LRP1B: variants seen among roughly 807,000 people sequenced by gnomAD.
The protein encoded by LRP1B is LDL receptor related protein 1B.
In LRP1B, 217 loss-of-function variants were observed where a neutral mutation model predicts 556.6. That is an observed-to-expected ratio of 0.39 (90% CI 0.35 to 0.44). The LOEUF (loss-of-function observed/expected upper bound fraction) is 0.44. Ranked by LOEUF, LRP1B falls within the 20% of genes least tolerant of loss-of-function variation. The pLI is 1.00. For missense variants in LRP1B, 5,053 were observed against 5,620.8 expected, an observed-to-expected ratio of 0.90 and a Z score of 3.23; for synonymous variants, 2,047 against 1,865.8, an observed-to-expected ratio of 1.10 and a Z score of -2.50.
chr2:141,549,927 G>A (rs1489299827), intron 2 of LRP1B, among the ~76,000 whole-genome samples: 8 of 152,174 alleles, frequency 5.3e-5, no homozygotes, highest in East Asian at 1.9e-4. Context: ...CCTAGGAGGC[G>A]GAGGTTGCAG....
intron 3 of LRP1B, among the ~76,000 whole-genome samples, chr2:141,273,786 A>G (rs1394239485): frequency 1.3e-5 from 2 of 152,226 alleles, no homozygotes; most frequent in East Asian, 3.8e-4. Flanking sequence ...GTGAATAAAC[A>G]ATTCATACAA....
chr2:141,042,277 G>C (rs188963826), intron 11 of LRP1B, among the ~76,000 whole-genome samples: 2 of 152,062 alleles, frequency 1.3e-5, no homozygotes, highest in Non-Finnish European at 2.9e-5. Flanking sequence ...CAATCAACAG[G>C]CATGCTTATT....
At chr2:141,775,922 A>G (rs1695054893) in intron 2 of LRP1B, among the ~76,000 whole-genome samples, 1 of 149,874 alleles carries the variant, frequency 6.7e-6, no homozygotes, top group Non-Finnish European at 1.5e-5. Flanking sequence ...GGCTCACTGC[A>G]AGCTCCGCCT....
chr2:140,964,068 T>C (rs577630973), intron 18 of LRP1B, among the ~76,000 whole-genome samples: 1 of 151,726 alleles, frequency 6.6e-6, no homozygotes, highest in East Asian at 2.0e-4. Flanking sequence ...AGAATGTGAG[T>C]CACCTCCAAT....
intron 1 of LRP1B, among the ~76,000 whole-genome samples, chr2:141,907,678 A>G: frequency 6.6e-6 from 1 of 152,020 alleles, no homozygotes; most frequent in South Asian, 2.1e-4. Flanking sequence ...TTATCTAAGG[A>G]AAATGCAAAC....
At chr2:141,626,295 A>T (rs1688699889) in intron 2 of LRP1B, among the ~76,000 whole-genome samples, 1 of 152,234 alleles carries the variant, frequency 6.6e-6, no homozygotes, top group South Asian at 2.1e-4. Flanking sequence ...CCTAACAGCC[A>T]TCACAAAAGT....
intron 1 of LRP1B, among the ~76,000 whole-genome samples, chr2:141,973,854 A>G (rs1339922527): frequency 6.6e-6 from 1 of 151,888 alleles, no homozygotes; most frequent in Non-Finnish European, 1.5e-5. Flanking sequence ...TCTTACCAAT[A>G]TTTTGAGACT....
chr2:141,626,927 T>A (rs903340662), intron 2 of LRP1B, among the ~76,000 whole-genome samples: 1 of 152,212 alleles, frequency 6.6e-6, no homozygotes, highest in Non-Finnish European at 1.5e-5. Flanking sequence ...ACCGTATGAT[T>A]CAACATTTCT....
At chr2:140,803,290 T>C (rs113617816) in intron 32 of LRP1B, among the ~76,000 whole-genome samples, 1,830 of 114,934 alleles carry the variant, frequency 0.016, 42 homozygotes, top group African/African-American at 0.052. Flanking sequence ...TTTTTTTTTT[T>C]CCGAGATGGA....
At chr2:141,086,643 T>C (rs1700054500) in intron 7 of LRP1B, among the ~76,000 whole-genome samples, 1 of 151,800 alleles carries the variant, frequency 6.6e-6, no homozygotes, top group African/African-American at 2.4e-5. Flanking sequence ...TGTGTGTGTG[T>C]GTGTGTGTGT....
At chr2:141,947,786 G>A (rs565030749) in intron 1 of LRP1B, among the ~76,000 whole-genome samples, 49 of 144,160 alleles carry the variant, frequency 3.4e-4, no homozygotes, top group African/African-American at 1.1e-3. Context: ...CTAAAACATC[G>A]AGGCAAGAAA....
chr2:140,876,569 C>T (rs1296601645), intron 25 of LRP1B, among the ~76,000 whole-genome samples: 1 of 152,128 alleles, frequency 6.6e-6, no homozygotes, highest in Non-Finnish European at 1.5e-5. Context: ...CATACCTTGT[C>T]TATACCATCC....
intron 2 of LRP1B, among the ~76,000 whole-genome samples, chr2:141,693,326 G>C (rs1016920985): frequency 6.6e-6 from 1 of 151,980 alleles, no homozygotes; most frequent in Non-Finnish European, 1.5e-5. Flanking sequence ...CGCAAAATGA[G>C]AGGATTTGTC....
chr2:140,911,704 G>A (rs1449638103), intron 21 of LRP1B, among the ~76,000 whole-genome samples: 1 of 151,758 alleles, frequency 6.6e-6, no homozygotes, highest in Admixed American at 6.6e-5. Flanking sequence ...TAAATTGTAT[G>A]AAGTCATTTG....
chr2:141,922,669 C>T (rs1181832141), intron 1 of LRP1B, among the ~76,000 whole-genome samples: 1 of 152,040 alleles, frequency 6.6e-6, no homozygotes, highest in African/African-American at 2.4e-5. Context: ...TTGAGGAGTT[C>T]CAGGTGTTTA....
intron 10 of LRP1B, among the ~76,000 whole-genome samples, chr2:141,054,603 C>T (rs1454351176): frequency 1.3e-5 from 2 of 151,450 alleles, no homozygotes; most frequent in Non-Finnish European, 3.0e-5. Flanking sequence ...TTGATAAAAT[C>T]ATTAAATGTT....
intron 31 of LRP1B, among the ~76,000 whole-genome samples, chr2:140,814,081 C>T (rs61480467): frequency 0.45 from 67,749 of 151,978 alleles, 16,767 homozygotes; most frequent in East Asian, 0.66. Flanking sequence ...CTCATGCAAT[C>T]CTCCCATCTC....
chr2:141,044,101 T>TCAGAAATAACGCCGCA (rs1316892468), intron 11 of LRP1B, among the ~76,000 whole-genome samples: 1 of 151,716 alleles, frequency 6.6e-6, no homozygotes, highest in African/African-American at 2.4e-5. Flanking sequence ...AACAGAGCCC[T>TCAGAAATAACGCCGCA]CAGAAATAAC....
intron 7 of LRP1B, among the ~76,000 whole-genome samples, chr2:141,156,524 A>T (rs1702071371): frequency 6.6e-6 from 1 of 151,812 alleles, no homozygotes; most frequent in Admixed American, 6.6e-5. Flanking sequence ...GCTACTTGGG[A>T]GGCTGAGGCA....
Sources: allele counts gnomAD v4.1 joint callset (sites outside exome capture counted in the v4.1 genomes callset), GRCh38; gene constraint gnomAD v4.1.1; transcripts MANE v1.5; gene names NCBI Gene and HGNC (gene_info 2026-07-23, HGNC 2026-07-21).